INTS8: variants seen among roughly 807,000 people sequenced by gnomAD.
The protein encoded by INTS8 is integrator complex subunit 8.
A neutral mutation model predicts 138.9 loss-of-function variants in INTS8; 47 were observed. The observed-to-expected ratio is 0.34, with a 90% CI of 0.27 to 0.43. INTS8 has a LOEUF of 0.43. Among genes scored for constraint, INTS8 ranks in the 20% least tolerant of loss-of-function variants. INTS8 has a pLI of 1.00. For missense variants in INTS8, 996 were observed against 1,173.0 expected (o/e 0.85, Z 2.20); for synonymous variants, 392 against 400.9 (o/e 0.98, Z 0.27).
At position 94,871,920 on chromosome 8, in the gene INTS8, A is replaced by C; in HGVS notation, c.2451A>C (p.Thr817=). 6.2e-7 allele frequency: 1 copy of C among 1,607,836 alleles called. No individual in the cohort carries two copies. Among genetic ancestry groups the C allele is most frequent in the Non-Finnish European group, 8.5e-7 (1 of 1,174,840 alleles). ...QSVDFEAVAI[T]VKELVRYTLS... is the part of the protein sequence containing the mutation. ...TGGACTTTGAAGCTGTGGCAATCAC[A>C]GTGAAAGAGCTAGTTCGATATACAC... Residue 817 remains threonine, a synonymous_variant, in exon 21 of 27, where the codon ACA becomes ACC. Transcript: ENST00000523731.
At chr8:94,839,941 A>G (rs961983360) in intron 8 of INTS8, among the ~76,000 whole-genome samples, 3 of 152,200 alleles carry the variant, frequency 2.0e-5, no homozygotes, top group Admixed American at 6.5e-5. Flanking sequence ...CTGGAGTGGT[A>G]AGACCTGTGC....
At chr8:94,879,031 GT>G (rs1449634243) in intron 26 of INTS8, among the ~76,000 whole-genome samples, 1 of 152,092 alleles carries the variant, frequency 6.6e-6, no homozygotes, top group African/African-American at 2.4e-5. Context: ...TTTGATTACT[GT>G]CCACATGGGG....
chr8:94,853,976 C>A, intron 14 of INTS8, 61 bp downstream of exon 14: 1 of 1,033,624 alleles, frequency 9.7e-7, no homozygotes, highest in Non-Finnish European at 1.5e-6. Flanking sequence ...GGTGCCGTGG[C>A]TCATACCTGT....
chr8:94,847,973 T>A (rs1214221004), intron 10 of INTS8, among the ~76,000 whole-genome samples: 1 of 150,950 alleles, frequency 6.6e-6, no homozygotes, highest in Non-Finnish European at 1.5e-5. Context: ...AATTTGTTAA[T>A]CAGAAAATGG....
chr8:94,848,926 T>A (rs1220175902), intron 10 of INTS8, among the ~76,000 whole-genome samples: 2 of 152,090 alleles, frequency 1.3e-5, no homozygotes, highest in Non-Finnish European at 2.9e-5. Flanking sequence ...ATGAAAATAT[T>A]ATTTGTAGAT....
chr8:94,868,856 G>T (rs1224984444), intron 20 of INTS8: 1 of 152,074 alleles, frequency 6.6e-6, no homozygotes, highest in East Asian at 1.9e-4. Flanking sequence ...ATTTTTAGTA[G>T]AGACAGGGTT....
At position 94,823,548 on chromosome 8, in the gene INTS8, C is replaced by G; in HGVS notation, c.117C>G (p.Arg39=). 6.3e-7 allele frequency: 1 copy of G among 1,577,422 alleles called. No individual in the cohort carries two copies. ...AGTCACTGTTGGAGAAACATCTGCG[C>G]AAGCCCTGCCCGGGTGAGCGCGGCG... ...LEESLLEKHL[R]KPCPDPAPVQ... Residue 39 remains arginine (R), a synonymous_variant, in exon 1 of 27, where the codon CGC becomes CGG. Coordinates refer to ENST00000523731, the MANE Select transcript of INTS8 (RefSeq NM_017864.4).
intron 25 of INTS8, 61 bp from the exon 26 acceptor site, chr8:94,876,385 G>A: frequency 1.4e-6 from 2 of 1,406,222 alleles, no homozygotes; most frequent in Middle Eastern, 2.0e-4. Flanking sequence ...CTGAAAATGA[G>A]TTGAGATTCT....
At chr8:94,853,964 C>G (rs759625567) in intron 14 of INTS8, 49 bp downstream of exon 14, 1 of 1,171,918 alleles carries the variant, frequency 8.5e-7, no homozygotes, top group East Asian at 2.4e-5. Flanking sequence ...GCTTTATGGT[C>G]AGGTGCCGTG....
At position 94,880,452 on chromosome 8, in the gene INTS8, A is replaced by G. The variant is rs1816764452; in HGVS notation, c.*218A>G. On this transcript the variant is annotated 3_prime_UTR_variant, in exon 27 of 27. Coordinates refer to ENST00000523731, the MANE Select transcript of INTS8 (RefSeq NM_017864.4). The stretch of plus-strand genomic sequence containing the variant: ...CTTCAAAGGGAGAAGAGATTCACAT[A>G]TCTGATAACAAAATAAACTAGCAAT... 2 of 329,504 alleles carry G rather than the reference A, an allele frequency of 6.1e-6. No individual in the cohort carries two copies. The highest frequency in any genetic ancestry group is 9.6e-5 in the Admixed American group (2 of 20,828). The allele number at this position is 329,504 out of a possible 1,614,324, so 20.4% of individuals were successfully genotyped here. A position where few individuals can be genotyped will look rare whatever the true frequency, so the allele number is the denominator to read the frequency against.
intron 6 of INTS8, among the ~76,000 whole-genome samples, chr8:94,835,285 A>G (rs998557924): frequency 1.3e-5 from 2 of 152,248 alleles, no homozygotes; most frequent in African/African-American, 4.8e-5. Flanking sequence ...ATTCTTATCC[A>G]TAAAATGGCC....
In INTS8 at chr8:94,823,353, T is replaced by G; in HGVS notation, c.-79T>G. The G allele has an allele frequency of 6.6e-7, 1 of 1,508,228 alleles. No homozygotes were observed. Among genetic ancestry groups the G allele is most frequent in the Non-Finnish European group, 8.8e-7 (1 of 1,131,794 alleles). 93.4% of individuals were successfully genotyped at this position (1,508,228 alleles called of 1,614,324 possible). A position where few individuals can be genotyped will look rare whatever the true frequency, so the allele number is the denominator to read the frequency against. On this transcript the variant is annotated 5_prime_UTR_variant, in exon 1 of 27. Coordinates refer to ENST00000523731, the MANE Select transcript of INTS8 (RefSeq NM_017864.4). ...GGCCTCTCTCCCACCGGGTTCCGCA[T>G]ACCCCAGGCACCGGCCCGCATCCAA...
At chr8:94,837,321 T>C (rs1814960984) in intron 7 of INTS8, among the ~76,000 whole-genome samples, 1 of 152,216 alleles carries the variant, frequency 6.6e-6, no homozygotes, top group Non-Finnish European at 1.5e-5. Flanking sequence ...GATGACTGAA[T>C]TGTAAACCTA....
chr8:94,841,789 C>T (rs541081074), intron 9 of INTS8, among the ~76,000 whole-genome samples, 198 bp downstream of exon 9: 44 of 152,118 alleles, frequency 2.9e-4, no homozygotes, highest in African/African-American at 9.2e-4. Context: ...CTTGCAGGGC[C>T]GGGCGAGGTG....
intron 6 of INTS8, among the ~76,000 whole-genome samples, chr8:94,833,251 G>A (rs2131000958): frequency 6.6e-6 from 1 of 152,148 alleles, no homozygotes; most frequent in East Asian, 1.9e-4. Context: ...TTGGGAAGGT[G>A]CGTTTTCAGA....
In INTS8 at chr8:94,849,472, G is replaced by A. The variant is rs1157753905; in HGVS notation, c.1271G>A (p.Arg424Lys). Residue 424 changes from arginine to lysine, a missense_variant, in exon 11 of 27, where the codon AGA (arginine) becomes AAA (lysine). Transcript: ENST00000523731. ...KIDFLLEVCS[R>K]SVNLEKASES... ...TACTCAAATTCCTAGGTATGTTCAA[G>A]ATCAGTAAATTTAGAAAAAGCTTCA... is the stretch of plus-strand genomic sequence containing the variant. 1.3e-6 allele frequency: 2 copies of A among 1,528,544 alleles called. No homozygotes were observed. Among genetic ancestry groups the A allele is most frequent in the Non-Finnish European group, 1.8e-6 (2 of 1,115,328 alleles). The allele number at this position is 1,528,544 out of a possible 1,614,324, so 94.7% of individuals were successfully genotyped here.
Position 94,876,096 on chromosome 8 carries a change from T to C in INTS8, c.2711T>C (p.Leu904Pro). Residue 904 changes from leucine to proline, a missense_variant, in exon 24 of 27, where the codon CTC becomes CCC. Transcript: ENST00000523731. The stretch of plus-strand genomic sequence containing the variant: ...TAGGTGGCCATTTTATGTCAGTTCC[T>C]CAGAGAAATTGACTACAAAACAGCG... The part of the protein sequence containing the change: ...HTQVAILCQF[L>P]REIDYKTAFK... 6.2e-7 allele frequency: 1 copy of C among 1,609,856 alleles called. No individual in the cohort carries two copies. Among genetic ancestry groups the C allele is most frequent in the Non-Finnish European group, 8.5e-7 (1 of 1,176,526 alleles).
Position 94,827,415 on chromosome 8 carries a change from C to T in INTS8, c.446+12C>T. The T allele has an allele frequency of 6.2e-7, 1 of 1,613,804 alleles. No homozygotes were observed. The highest frequency in any genetic ancestry group is 8.5e-7 in the Non-Finnish European group (1 of 1,179,874). On this transcript the variant is annotated intron_variant, in intron 3 of 26. Transcript: ENST00000523731. ...CTCTATAATAGATGGTAAATGTTTT[C>T]ATAAACTCAGAAGGCGTTGGGCAAC... is the stretch of plus-strand genomic sequence containing the variant.
In INTS8 at chr8:94,866,159, A is replaced by G. The variant is rs150502842; in HGVS notation, c.2263A>G (p.Ser755Gly). 1.6e-6 allele frequency: 2 copies of G among 1,272,424 alleles called. No homozygotes were observed. Among genetic ancestry groups the G allele is most frequent in the Non-Finnish European group, 2.2e-6 (2 of 891,486 alleles). 78.8% of individuals were successfully genotyped at this position (1,272,424 alleles called of 1,614,324 possible). A position where few individuals can be genotyped will look rare whatever the true frequency, so the allele number is the denominator to read the frequency against. ...RESTLGIMYRSELLSFIKKLR... is the reference protein window; with the variant it reads ...RESTLGIMYRGELLSFIKKLR... ...TATTCAAAAATTTTTGTTTTGTAGG[A>G]GTGAACTGCTTTCTTTTATCAAAAA... Residue 755 changes from serine to glycine, a missense_variant and splice_region_variant, in exon 18 of 27, where the codon AGT (serine) becomes GGT (glycine). Transcript: ENST00000523731.
Sources: allele counts gnomAD v4.1 joint callset (sites outside exome capture counted in the v4.1 genomes callset), GRCh38; gene constraint gnomAD v4.1.1; transcripts MANE v1.5; gene names NCBI Gene and HGNC (gene_info 2026-07-23, HGNC 2026-07-21).